CCNL1: variants seen among roughly 807,000 people sequenced by gnomAD.
The protein encoded by CCNL1 is cyclin-L1.
A neutral mutation model predicts 60.6 loss-of-function variants in CCNL1; 13 were observed. The ratio of observed to expected loss-of-function variants is 0.21; its 90% CI spans 0.14 to 0.34. The LOEUF (loss-of-function observed/expected upper bound fraction) is 0.34, where lower values mean the gene tolerates loss of function less well. Among genes scored for constraint, CCNL1 ranks in the 10% least tolerant of loss-of-function variants. CCNL1 has a pLI of 1.00. For synonymous variants in CCNL1, 270 were observed against 244.3 expected, an observed-to-expected ratio of 1.10 and a Z score of -0.98; for missense variants, 481 against 664.3, an observed-to-expected ratio of 0.72 and a Z score of 3.03.
chr3:157,159,752 G>A (rs1410034814), intron 1 of CCNL1, 40 bp downstream of exon 1: 2 of 1,479,256 alleles, frequency 1.4e-6, no homozygotes, highest in East Asian at 2.5e-5. Flanking sequence ...ACGGAGGAGA[G>A]GAGAGGAGCG....
intron 10 of CCNL1, chr3:157,149,034 A>G (rs1737967423): frequency 2.1e-6 from 1 of 477,768 alleles, no homozygotes; most frequent in Admixed American, 3.8e-5. Context: ...ATTATGAACA[A>G]TACTATGGCC....
rs933010763 is a variant in CCNL1 at position 157,147,867 on chromosome 3, G to C, written c.*374C>G. ...ACACATGCAGACAAACCAGTGTTAA[G>C]AAAGTATTCACCATCATTTAAACAA... On this transcript the variant is annotated 3_prime_UTR_variant, in exon 11 of 11. Coordinates refer to ENST00000295926, the MANE Select transcript of CCNL1 (RefSeq NM_020307.4). 1.0e-6 allele frequency: 1 copy of C among 996,138 alleles called. No homozygotes were observed. The highest frequency in any genetic ancestry group is 1.1e-4 in the East Asian group (1 of 9,356). The allele number at this position is 996,138 out of a possible 1,614,324, so 61.7% of individuals were successfully genotyped here.
rs200033201 is a variant in CCNL1, at chr3:157,148,203, A to G, written c.*38T>C. 6.3e-7 allele frequency: 1 copy of G among 1,586,162 alleles called. No individual in the cohort carries two copies. The highest frequency in any genetic ancestry group is 2.2e-5 in the East Asian group (1 of 44,630). On this transcript the variant is annotated 3_prime_UTR_variant, in exon 11 of 11. Transcript: ENST00000295926. Reference sequence around the variant, plus strand: ...TCCATACATCACACTGTAGATAGGCAAAACCAAGAACTGATGCAGGCTCAA... The same window carrying G: ...TCCATACATCACACTGTAGATAGGCGAAACCAAGAACTGATGCAGGCTCAA...
rs1383645633 is a variant in CCNL1 at position 157,148,182 on chromosome 3, TACATC to T, written c.*54_*58del. On this transcript the variant is annotated 3_prime_UTR_variant, in exon 11 of 11. Transcript: ENST00000295926. ...CGTTTAATGTTTTTGATTGAGTCCA[TACATC>T]ACACTGTAGATAGGCAAAACCAAGA... 18 of 1,556,678 alleles carry T rather than the reference TACATC, an allele frequency of 1.2e-5. No individual in the cohort carries two copies. The East Asian group carries it at 3.8e-4, about 33-fold the overall frequency.
chr3:157,144,368 G>A (rs1737723505), downstream of CCNL1, among the ~76,000 whole-genome samples: 1 of 152,158 alleles, frequency 6.6e-6, no homozygotes, highest in African/African-American at 2.4e-5. Context: ...GGATTGCAAT[G>A]GTAAAAATAA....
downstream of CCNL1, chr3:157,146,455 C>G (rs1001180247): frequency 1.4e-5 from 6 of 431,306 alleles, no homozygotes; most frequent in South Asian, 8.4e-5. Flanking sequence ...CACAAACAAC[C>G]CTCACCCACA....
intron 5 of CCNL1, 25 bp from the exon 6 acceptor site, chr3:157,150,406 T>C (rs1434416290): frequency 6.2e-7 from 1 of 1,608,564 alleles, no homozygotes; most frequent in Middle Eastern, 1.7e-4. Flanking sequence ...AACTATAAGC[T>C]TGCATGTAAA....
At chr3:157,158,829 T>A (rs775367769) in intron 3 of CCNL1, 37 bp downstream of exon 3, 5 of 1,295,680 alleles carry the variant, frequency 3.9e-6, no homozygotes, top group African/African-American at 2.9e-5. Flanking sequence ...GGTACAGCAG[T>A]AGCAAGAGAT....
intron 2 of CCNL1, 101 bp downstream of exon 2, chr3:157,159,304 C>T: frequency 2.7e-6 from 3 of 1,117,140 alleles, no homozygotes; most frequent in East Asian, 2.4e-5. Flanking sequence ...AAGGCCTAAA[C>T]TAAACCACTC....
At chr3:157,152,819 C>G in intron 4 of CCNL1, 1 of 1,298,050 alleles carries the variant, frequency 7.7e-7, no homozygotes, top group South Asian at 1.9e-5. Context: ...TATGAGCACA[C>G]AATTAAGATT....
rs923907092 is a variant in CCNL1 at position 157,149,819 on chromosome 3, T to C, written c.1021+17A>G. The stretch of plus-strand genomic sequence containing the variant: ...TTTCAGTGCCCCCAAGTCATTTTAA[T>C]TCTAAATACATCTTACATGGCTTGG... On this transcript the variant is annotated intron_variant, in intron 8 of 10. Transcript: ENST00000295926. 4.4e-6 allele frequency: 7 copies of C among 1,606,072 alleles called. No homozygotes were observed. In the African/African-American group the frequency reaches 9.4e-5, roughly 22 times the overall value.
At chr3:157,146,648 T>C (rs1216186543), downstream of CCNL1, 1 of 387,444 alleles carries the variant, frequency 2.6e-6, no homozygotes, top group East Asian at 7.7e-5. Context: ...AAAATCAACA[T>C]TAATTTGCTA....
intron 3 of CCNL1, among the ~76,000 whole-genome samples, chr3:157,156,731 T>C (rs1454246856): frequency 1.3e-5 from 2 of 152,224 alleles, no homozygotes; most frequent in East Asian, 1.9e-4. Flanking sequence ...TTTAAAGTTA[T>C]GAATAAACTA....
At chr3:157,158,448 G>C (rs1184092052) in intron 3 of CCNL1, among the ~76,000 whole-genome samples, 3 of 152,152 alleles carry the variant, frequency 2.0e-5, no homozygotes, top group Admixed American at 6.5e-5. Flanking sequence ...ACTTCGAGTA[G>C]AAAAACATAA....
downstream of CCNL1, among the ~76,000 whole-genome samples, chr3:157,143,675 A>G (rs1737706181): frequency 6.6e-6 from 1 of 152,168 alleles, no homozygotes; most frequent in Admixed American, 6.5e-5. Flanking sequence ...ATAGAATATG[A>G]TAGAGGTGTT....
Position 157,147,964 on chromosome 3 carries a change from C to T in CCNL1, c.*277G>A, listed in dbSNP as rs993428332. Reference sequence around the variant, plus strand: ...ATAAGATACATTTTTACAGAATTCACGCTCCAGTTCTTATAGCAATAAACA... The same window carrying T: ...ATAAGATACATTTTTACAGAATTCATGCTCCAGTTCTTATAGCAATAAACA... On this transcript the variant is annotated 3_prime_UTR_variant, in exon 11 of 11. Coordinates refer to ENST00000295926, the MANE Select transcript of CCNL1 (RefSeq NM_020307.4). 35 of 1,137,978 alleles carry T rather than the reference C, an allele frequency of 3.1e-5. No homozygotes were observed. Among genetic ancestry groups the T allele is most frequent in the Admixed American group, 9.1e-5 (2 of 22,004 alleles). 70.5% of individuals were successfully genotyped at this position (1,137,978 alleles called of 1,614,324 possible). A position where few individuals can be genotyped will look rare whatever the true frequency, so the allele number is the denominator to read the frequency against.
intron 2 of CCNL1, 110 bp from the exon 3 acceptor site, chr3:157,159,085 CTA>C: frequency 1.4e-6 from 1 of 727,996 alleles, no homozygotes. Context: ...GAAGACATCT[CTA>C]TGCCGTAAGT....
intron 2 of CCNL1, 82 bp downstream of exon 2, chr3:157,159,323 G>C: frequency 3.0e-6 from 4 of 1,322,372 alleles, no homozygotes; most frequent in South Asian, 1.2e-5. Flanking sequence ...TCCCTTTCTG[G>C]AAAAGCTGGC....
chr3:157,152,114 A>G lies in CCNL1; in HGVS notation c.674+63T>C. 5 of 1,582,852 alleles carry G rather than the reference A, an allele frequency of 3.2e-6. No homozygotes were observed. In the South Asian group the frequency reaches 5.9e-5, roughly 19 times the overall value. The stretch of plus-strand genomic sequence containing the variant: ...CTCATTATTTTGGAAAGGGAAAACG[A>G]AACTTACTTTATTTCTGCTTCTGTT... On this transcript the variant is annotated intron_variant, in intron 5 of 10. Coordinates refer to ENST00000295926, the MANE Select transcript of CCNL1 (RefSeq NM_020307.4).
Sources: allele counts gnomAD v4.1 joint callset (sites outside exome capture counted in the v4.1 genomes callset), GRCh38; gene constraint gnomAD v4.1.1; transcripts MANE v1.5; gene names NCBI Gene and HGNC (gene_info 2026-07-23, HGNC 2026-07-21).